POFUT3: variants seen among roughly 807,000 people sequenced by gnomAD.
POFUT3 encodes protein O-fucosyltransferase 3, also known as GDP-fucose protein O-fucosyltransferase 3.
At chr8:33,425,677 T>G in the POFUT3 span, among the ~76,000 whole-genome samples, 1 of 151,792 alleles carries the variant, frequency 6.6e-6, no homozygotes, top group Non-Finnish European at 1.5e-5. Flanking sequence ...ATCCTAGCAC[T>G]TTTGGAGGCT....
chr8:33,366,278 G>C, the POFUT3 span, among the ~76,000 whole-genome samples: 1 of 152,136 alleles, frequency 6.6e-6, no homozygotes, highest in Admixed American at 6.6e-5. Context: ...CTGTGGGAGG[G>C]ATAGCATTAG....
chr8:33,382,126 GTACAAAAAT>G, the POFUT3 span, among the ~76,000 whole-genome samples: 28 of 152,152 alleles, frequency 1.8e-4, no homozygotes, highest in Non-Finnish European at 3.7e-4. Flanking sequence ...AACTCCATCT[GTACAAAAAT>G]TACAAAAATT....
At chr8:33,415,269 T>A in the POFUT3 span, among the ~76,000 whole-genome samples, 8,096 of 151,778 alleles carry the variant, frequency 0.053, 480 homozygotes, top group African/African-American at 0.14. Context: ...CTCAAAAAAA[T>A]AAATAAATAA....
chr8:33,336,387 G>A, the POFUT3 span, among the ~76,000 whole-genome samples: 1 of 152,094 alleles, frequency 6.6e-6, no homozygotes, highest in Admixed American at 6.5e-5. Context: ...ATACATCACT[G>A]GGAAGTGGTG....
the POFUT3 span, among the ~76,000 whole-genome samples, chr8:33,382,760 A>C: frequency 6.6e-6 from 1 of 152,134 alleles, no homozygotes; most frequent in Non-Finnish European, 1.5e-5. Flanking sequence ...TTAACAGTAG[A>C]TCATTAGACT....
At chr8:33,373,018 A>G in the POFUT3 span, among the ~76,000 whole-genome samples, 1 of 152,150 alleles carries the variant, frequency 6.6e-6, no homozygotes, top group South Asian at 2.1e-4. Context: ...AAACCACAAA[A>G]AAGTTACATA....
chr8:33,448,673 C>T, the POFUT3 span, among the ~76,000 whole-genome samples: 1 of 152,100 alleles, frequency 6.6e-6, no homozygotes, highest in Non-Finnish European at 1.5e-5. Context: ...ATGGCTTACA[C>T]ATGTAATCCC....
At chr8:33,360,107 A>G in the POFUT3 span, among the ~76,000 whole-genome samples, 2 of 152,090 alleles carry the variant, frequency 1.3e-5, no homozygotes, top group Non-Finnish European at 2.9e-5. Context: ...ATTATATATG[A>G]CAGAATCCAG....
At chr8:33,320,362 C>T in the POFUT3 span, among the ~76,000 whole-genome samples, 2 of 151,986 alleles carry the variant, frequency 1.3e-5, no homozygotes. Context: ...GTTTATTTAG[C>T]TCTCAGTACC....
the POFUT3 span, among the ~76,000 whole-genome samples, chr8:33,393,552 CCTT>C: frequency 3.3e-5 from 5 of 152,326 alleles, no homozygotes; most frequent in African/African-American, 1.2e-4. Flanking sequence ...ATGCCCCTCT[CCTT>C]CTGCAGGAGC....
chr8:33,313,783 A>G, the POFUT3 span, among the ~76,000 whole-genome samples: 1 of 152,114 alleles, frequency 6.6e-6, no homozygotes, highest in Non-Finnish European at 1.5e-5. Context: ...TGTAAACACA[A>G]TTGTGCCCAT....
the POFUT3 span, among the ~76,000 whole-genome samples, chr8:33,337,302 T>C: frequency 6.8e-4 from 104 of 152,320 alleles, no homozygotes; most frequent in African/African-American, 2.4e-3. Flanking sequence ...ATTATAAACA[T>C]TGACATTTCT....
chr8:33,339,872 G>A, the POFUT3 span, among the ~76,000 whole-genome samples: 4 of 152,062 alleles, frequency 2.6e-5, no homozygotes, highest in African/African-American at 9.7e-5. Context: ...TCAGATGAAG[G>A]AAAATTAAAA....
the POFUT3 span, among the ~76,000 whole-genome samples, chr8:33,409,978 A>G: frequency 6.6e-6 from 1 of 152,262 alleles, no homozygotes; most frequent in Non-Finnish European, 1.5e-5. Flanking sequence ...GAGGTGGCAC[A>G]GATGTCAGTG....
At chr8:33,470,173 G>A in the POFUT3 span, among the ~76,000 whole-genome samples, 1 of 147,812 alleles carries the variant, frequency 6.8e-6, no homozygotes, top group African/African-American at 2.5e-5. Context: ...GCCGAGGTGG[G>A]TGGATCACTT....
chr8:33,382,159 G>A, the POFUT3 span, among the ~76,000 whole-genome samples: 1 of 152,132 alleles, frequency 6.6e-6, no homozygotes, highest in Non-Finnish European at 1.5e-5. Flanking sequence ...CAGGCATGGT[G>A]GCTGCGCCTA....
At chr8:33,461,297 T>A in the POFUT3 span, 2 of 1,475,410 alleles carry the variant, frequency 1.4e-6, no homozygotes, top group Non-Finnish European at 1.8e-6. Context: ...ATAATTGGAG[T>A]TTTGAGAAAA....
the POFUT3 span, among the ~76,000 whole-genome samples, chr8:33,364,031 G>A: frequency 1.3e-5 from 2 of 152,102 alleles, no homozygotes; most frequent in Admixed American, 6.5e-5. Context: ...ATAAAACACT[G>A]GCAAACCGAA....
At chr8:33,344,255 G>C in the POFUT3 span, among the ~76,000 whole-genome samples, 1 of 152,166 alleles carries the variant, frequency 6.6e-6, no homozygotes, top group Admixed American at 6.5e-5. Context: ...AAGAGGGAAA[G>C]AAGCCAGCTT....
Sources: allele counts gnomAD v4.1 joint callset (sites outside exome capture counted in the v4.1 genomes callset), GRCh38; gene constraint gnomAD v4.1.1; transcripts MANE v1.5; gene names NCBI Gene and HGNC (gene_info 2026-07-23, HGNC 2026-07-21).